The following PHF7 variants were observed in gnomAD, a reference collection of about 807,000 sequenced individuals.
PHF7 encodes the protein E3 ubiquitin-protein ligase PHF7.
Under a neutral mutation model 47.5 loss-of-function variants are expected in PHF7, and 24 were observed. The observed-to-expected ratio is 0.51, with a 90% confidence interval of 0.37 to 0.71. The LOEUF (loss-of-function observed/expected upper bound fraction) is 0.71. PHF7 is among the 30% of genes least tolerant of loss of function. The pLI, the probability that PHF7 is intolerant of heterozygous loss-of-function variation, is 0.00. For synonymous variants in PHF7, 156 were observed against 153.8 expected (o/e 1.01, Z -0.11); for missense variants, 361 against 456.8 (o/e 0.79, Z 1.91).
Position 52,412,910 on chromosome 3 carries a change from C to G in PHF7, c.31C>G (p.Gln11Glu), listed in dbSNP as rs375507582. 6.2e-7 allele frequency: 1 copy of G among 1,609,892 alleles called. No homozygotes were observed. Among genetic ancestry groups the G allele is most frequent in the Non-Finnish European group, 8.5e-7 (1 of 1,176,940 alleles). The change falls in exon 2 of 11, where the codon CAG (glutamine) becomes GAG (glutamate). Residue 11 changes from glutamine to glutamate, a missense_variant. Transcript: ENST00000327906. MKTVKEKKECQRLRKSAKTRR... is the reference protein window; with the variant it reads MKTVKEKKECERLRKSAKTRR... ...GACTGTAAAAGAAAAGAAGGAATGC[C>G]AGAGATTGAGGTAGAAGTAGTTGAC...
intron 2 of PHF7, among the ~76,000 whole-genome samples, chr3:52,413,741 A>C (rs1705535624): frequency 6.6e-6 from 1 of 152,178 alleles, no homozygotes; most frequent in South Asian, 2.1e-4. Context: ...AGGCTGAGGC[A>C]GGAGAATTGC....
intron 4 of PHF7, among the ~76,000 whole-genome samples, chr3:52,415,163 T>A (rs1045582342): frequency 6.6e-6 from 1 of 152,210 alleles, no homozygotes; most frequent in African/African-American, 2.4e-5. Flanking sequence ...AGTATTTTTT[T>A]ATTAGGTATA....
chr3:52,419,234 G>C (rs1343810171), intron 4 of PHF7, among the ~76,000 whole-genome samples: 1 of 152,150 alleles, frequency 6.6e-6, no homozygotes, highest in Non-Finnish European at 1.5e-5. Flanking sequence ...CCAGAGTTCT[G>C]TGGCCTTGAG....
In PHF7 at chr3:52,423,220, C is replaced by A. The variant is rs1255287412; in HGVS notation, c.1049C>A (p.Ser350Tyr). Reference protein sequence around the residue: ...GLSWTDWPEPSLLEKPESSRG... With the variant: ...GLSWTDWPEPYLLEKPESSRG... ...TCTTGGACTGATTGGCCAGAACCTTCCTTATTAGAAAAGCCAGAGTCCTCT... is the reference window on the plus strand; with the variant it reads ...TCTTGGACTGATTGGCCAGAACCTTACTTATTAGAAAAGCCAGAGTCCTCT... The change falls in exon 11 of 11, where the codon TCC becomes TAC. Residue 350 changes from serine to tyrosine, a missense_variant. Physicochemically the swap from Ser to Tyr is moderately radical, Grantham distance 144 (BLOSUM62 -2). Transcript: ENST00000327906. 6.2e-7 allele frequency: 1 copy of A among 1,614,120 alleles called. No individual in the cohort carries two copies. Among genetic ancestry groups the A allele is most frequent in the Admixed American group, 1.7e-5 (1 of 60,028 alleles).
chr3:52,416,299 C>T (rs1242710647), intron 4 of PHF7, among the ~76,000 whole-genome samples: 1 of 151,092 alleles, frequency 6.6e-6, no homozygotes, highest in East Asian at 2.0e-4. Context: ...AATTCTCCTG[C>T]ATCAGCCTCC....
chr3:52,419,991 T>C, intron 5 of PHF7, 57 bp downstream of exon 5: 2 of 968,506 alleles, frequency 2.1e-6, no homozygotes. Context: ...ACCTCACCCA[T>C]CATTCCTGTT....
At chr3:52,414,468 G>A in intron 3 of PHF7, 28 bp from the exon 4 acceptor site, 1 of 1,377,234 alleles carries the variant, frequency 7.3e-7, no homozygotes, top group Non-Finnish European at 1.0e-6. Context: ...GTCAATTTGA[G>A]CCAAATTCTG....
intron 1 of PHF7, 98 bp from the exon 2 acceptor site, chr3:52,412,713 T>G: frequency 1.6e-6 from 1 of 624,690 alleles, no homozygotes; most frequent in Non-Finnish European, 2.9e-6. Flanking sequence ...TTCCATCACA[T>G]GGGTTGGGAG....
intron 10 of PHF7, 103 bp from the exon 11 acceptor site, chr3:52,422,988 G>A: frequency 1.3e-6 from 2 of 1,542,306 alleles, no homozygotes; most frequent in African/African-American, 2.7e-5. Context: ...TTAATAGTTG[G>A]TGCCTTTGAC....
chr3:52,420,635 T>A, intron 6 of PHF7, among the ~76,000 whole-genome samples, 200 bp downstream of exon 6: 1 of 152,164 alleles, frequency 6.6e-6, no homozygotes, highest in Admixed American at 6.5e-5. Context: ...CTCCTTAAAT[T>A]ACAAACAGCT....
At chr3:52,420,088 T>A in intron 5 of PHF7, 154 bp downstream of exon 5, 1 of 741,340 alleles carries the variant, frequency 1.3e-6, no homozygotes, top group Non-Finnish European at 2.4e-6. Context: ...TCCTCTGGGG[T>A]ATGGGTGTCC....
chr3:52,421,060 C>T lies in PHF7; in HGVS notation c.571C>T (p.Gln191Ter). The T allele has an allele frequency of 6.2e-7, 1 of 1,605,904 alleles. No individual in the cohort carries two copies. Among genetic ancestry groups the T allele is most frequent in the East Asian group, 2.2e-5 (1 of 44,500 alleles). ...AGCCATCTACCACCGCAAGTGCATA[C>T]AGGTGGGGCTTTTTCCGCCCTGGGT... ...SQAIYHRKCI[Q>*]KYAHTSAKHF... Residue 191 changes from glutamine to a stop codon, truncating the protein, a stop_gained and splice_region_variant, in exon 7 of 11, where the codon CAG becomes TAG. Transcript: ENST00000327906. LOFTEE classifies it high-confidence loss of function.
At position 52,420,342 on chromosome 3, in the gene PHF7, C is replaced by T; in HGVS notation, c.320C>T (p.Ala107Val). 2.5e-6 allele frequency: 4 copies of T among 1,613,844 alleles called. No individual in the cohort carries two copies. The highest frequency in any genetic ancestry group is 3.4e-6 in the Non-Finnish European group (4 of 1,179,706). Residue 107 changes from alanine (A) to valine (V), a missense_variant, in exon 6 of 11, where the codon GCT becomes GTT. By Grantham distance (64) the Ala-to-Val change is moderately conservative (BLOSUM62 0). Coordinates refer to ENST00000327906, the MANE Select transcript of PHF7 (RefSeq NM_016483.7). The part of the protein sequence containing the change: ...ICFVCKKKGA[A>V]INCQKDQCLR... Reference sequence around the variant, plus strand: ...TTTGTGTGCAAGAAAAAGGGAGCTGCTATCAACTGCCAGAAGGATCAGTGC... The same window carrying T: ...TTTGTGTGCAAGAAAAAGGGAGCTGTTATCAACTGCCAGAAGGATCAGTGC...
rs1176845823 is a variant in PHF7, at chr3:52,414,583, G to A, written c.182G>A (p.Cys61Tyr). 1.9e-6 allele frequency: 3 copies of A among 1,599,110 alleles called. No homozygotes were observed. In the African/African-American group the frequency reaches 4.0e-5, roughly 21 times the overall value. The stretch of plus-strand genomic sequence containing the variant: ...GACAATATCAGCGTGCATTATTTCT[G>A]TCTTGTGAGTATGAGGCCTCCTTTG... The part of the protein sequence containing the change: ...QKDNISVHYF[C>Y]LILSSKLPQR... Residue 61 changes from cysteine to tyrosine, a missense_variant, in exon 4 of 11, where the codon TGT (cysteine) becomes TAT (tyrosine). By Grantham distance (194) the Cys-to-Tyr change is radical (BLOSUM62 -2). Transcript: ENST00000327906.
At chr3:52,413,720 A>G (rs576593054) in intron 2 of PHF7, among the ~76,000 whole-genome samples, 1 of 152,298 alleles carries the variant, frequency 6.6e-6, no homozygotes, top group East Asian at 1.9e-4. Context: ...CTGTAATCCC[A>G]GCTCCTCGGG....
At chr3:52,414,116 G>A (rs1705548956) in intron 3 of PHF7, 68 bp downstream of exon 3, 2 of 1,023,032 alleles carry the variant, frequency 2.0e-6, no homozygotes, top group African/African-American at 3.2e-5. Context: ...CACCTGTGTG[G>A]GGCAGTATAC....
chr3:52,420,626 T>G (rs1441605523), intron 6 of PHF7, among the ~76,000 whole-genome samples, 191 bp downstream of exon 6: 1 of 152,196 alleles, frequency 6.6e-6, no homozygotes, highest in Non-Finnish European at 1.5e-5. Flanking sequence ...TCCTGACCCC[T>G]CCTTAAATTA....
chr3:52,422,281 A>T lies in PHF7; in HGVS notation c.740A>T (p.His247Leu). The T allele has an allele frequency of 1.2e-6, 2 of 1,614,090 alleles. No individual in the cohort carries two copies. The highest frequency in any genetic ancestry group is 1.7e-6 in the Non-Finnish European group (2 of 1,179,890). ...AFSDLYQRYQ[H>L]CDAPICLYEQ... is the part of the protein sequence containing the mutation. The stretch of plus-strand genomic sequence containing the variant: ...TCAGACTTATATCAGCGCTATCAGC[A>T]CTGTGATGCCCCCATCTGTCTGTAT... Residue 247 changes from histidine (H) to leucine (L), a missense_variant, in exon 9 of 11, where the codon CAC (histidine) becomes CTC (leucine). By Grantham distance (99) the His-to-Leu change is moderately conservative. Coordinates refer to ENST00000327906, the MANE Select transcript of PHF7 (RefSeq NM_016483.7).
chr3:52,422,726 T>C, intron 9 of PHF7, 34 bp from the exon 10 acceptor site: 1 of 1,613,168 alleles, frequency 6.2e-7, no homozygotes, highest in Non-Finnish European at 8.5e-7. Flanking sequence ...GTGTTCTGTA[T>C]GTCTCCACAA....
Sources: gnomAD v4.1 joint callset for allele counts (sites outside exome capture counted in the v4.1 genomes callset) on GRCh38, gnomAD v4.1.1 for gene constraint, MANE v1.5 for transcripts, NCBI Gene and HGNC (gene_info 2026-07-23, HGNC 2026-07-21) for gene names.